NCOR1: variants seen among roughly 807,000 people sequenced by gnomAD.
The protein encoded by NCOR1 is nuclear receptor corepressor 1.
Under a neutral mutation model 288.1 loss-of-function variants are expected in NCOR1, and 63 were observed. The ratio of observed to expected loss-of-function variants is 0.22; its 90% CI spans 0.18 to 0.27. The LOEUF (loss-of-function observed/expected upper bound fraction) is 0.27, where lower values mean the gene tolerates loss of function less well. Ranked by LOEUF, NCOR1 falls within the 10% of genes least tolerant of loss-of-function variation. The pLI, the probability that NCOR1 is intolerant of heterozygous loss-of-function variation, is 1.00. For missense variants in NCOR1, 2,397 were observed against 3,019.2 expected (o/e 0.79, Z 4.83); for synonymous variants, 1,007 against 1,065.9 (o/e 0.94, Z 1.08).
chr17:16,128,750 G>A (rs576512287), intron 14 of NCOR1, among the ~76,000 whole-genome samples: 123 of 152,042 alleles, frequency 8.1e-4, no homozygotes, highest in Admixed American at 1.2e-3. Flanking sequence ...TCTTAATAGC[G>A]CTCCAAAGTC....
intron 8 of NCOR1, chr17:16,151,735 T>A: frequency 4.6e-6 from 5 of 1,094,368 alleles, no homozygotes; most frequent in Non-Finnish European, 6.6e-6. Context: ...ATGCAATAAT[T>A]TATTTCATTT....
chr17:16,057,392 A>C (rs573258852), intron 40 of NCOR1, 122 bp downstream of exon 40: 5 of 949,682 alleles, frequency 5.3e-6, no homozygotes, highest in Non-Finnish European at 8.0e-6. Flanking sequence ...GCTCATTTAC[A>C]CTTTCCTGGG....
intron 1 of NCOR1, among the ~76,000 whole-genome samples, chr17:16,213,680 A>G (rs950083471): frequency 6.6e-6 from 1 of 152,096 alleles, no homozygotes; most frequent in Non-Finnish European, 1.5e-5. Flanking sequence ...TCTGTTTAAA[A>G]CAATTTTATA....
At chr17:16,166,449 C>T (rs1176471306) in intron 4 of NCOR1, among the ~76,000 whole-genome samples, 3 of 152,044 alleles carry the variant, frequency 2.0e-5, no homozygotes, top group Non-Finnish European at 2.9e-5. Flanking sequence ...GGGATGCTGA[C>T]GCAGGCAGAT....
intron 1 of NCOR1, among the ~76,000 whole-genome samples, chr17:16,199,561 T>C (rs2090477747): frequency 6.6e-6 from 1 of 152,158 alleles, no homozygotes; most frequent in South Asian, 2.1e-4. Context: ...TTCACTCTAG[T>C]CCTGGCTCAC....
intron 21 of NCOR1, among the ~76,000 whole-genome samples, chr17:16,094,998 A>G (rs1463515243): frequency 3.4e-5 from 5 of 148,498 alleles, no homozygotes; most frequent in Admixed American, 6.7e-5. Context: ...CCGTCTGGGA[A>G]GTGAGGAGCG....
chr17:16,064,839 A>G (rs2060943492), intron 34 of NCOR1, 31 bp downstream of exon 34: 1 of 1,533,052 alleles, frequency 6.5e-7, no homozygotes, highest in Non-Finnish European at 8.8e-7. Flanking sequence ...TGATGGTTCT[A>G]TTAGAGAGGT....
At chr17:16,097,531 AAATGATGGGGTT>A (rs2066861113) in intron 21 of NCOR1, among the ~76,000 whole-genome samples, 1 of 152,192 alleles carries the variant, frequency 6.6e-6, no homozygotes. Flanking sequence ...TAAAAACCCC[AAATGATGGGGTT>A]TTAAGAGTTT....
chr17:16,161,307 G>C (rs915888402), intron 5 of NCOR1, among the ~76,000 whole-genome samples: 8 of 151,294 alleles, frequency 5.3e-5, no homozygotes, highest in African/African-American at 1.9e-4. Flanking sequence ...TTTTGTTTTT[G>C]AGATGGAGTC....
intron 18 of NCOR1, 71 bp downstream of exon 18, chr17:16,117,817 A>G: frequency 4.7e-6 from 7 of 1,486,188 alleles, no homozygotes; most frequent in Non-Finnish European, 6.4e-6. Context: ...GTGAGACTCC[A>G]TCTCAAACAA....
intron 44 of NCOR1, among the ~76,000 whole-genome samples, chr17:16,036,269 C>T (rs1230888952): frequency 6.6e-6 from 1 of 152,166 alleles, no homozygotes; most frequent in Non-Finnish European, 1.5e-5. Flanking sequence ...TTTTTCTAAG[C>T]AGTAGGTCTG....
intron 9 of NCOR1, among the ~76,000 whole-genome samples, chr17:16,148,216 C>A (rs902275501): frequency 6.6e-6 from 1 of 152,158 alleles, no homozygotes; most frequent in African/African-American, 2.4e-5. Flanking sequence ...TCATTTCTCA[C>A]CACACTGCCA....
intron 12 of NCOR1, 66 bp from the exon 13 acceptor site, chr17:16,138,278 C>A: frequency 7.6e-7 from 1 of 1,319,344 alleles, no homozygotes; most frequent in African/African-American, 1.5e-5. Context: ...AAAAAAAAAA[C>A]TTGGGAAAAG....
In NCOR1 at chr17:16,064,010, A is replaced by G. The variant is rs2060830564; in HGVS notation, c.5221+58T>C. On this transcript the variant is annotated intron_variant, in intron 35 of 45. Transcript: ENST00000268712. Reference sequence around the variant, plus strand: ...ACTTTTTGTGCGCAGCATTAAGCACAGTGTACAAGATTACTAAGATGTGTC... The same window carrying G: ...ACTTTTTGTGCGCAGCATTAAGCACGGTGTACAAGATTACTAAGATGTGTC... 6 of 1,577,354 alleles carry G rather than the reference A, an allele frequency of 3.8e-6. No homozygotes were observed. The East Asian group carries it at 9.1e-5, about 24-fold the overall frequency.
rs1338512050 is a variant in NCOR1 at position 16,118,324 on chromosome 17, G to A, written c.1916-297C>T. 2.0e-5 allele frequency among the ~76,000 whole-genome samples: 3 copies of A among 152,212 alleles called. No individual in the cohort carries two copies. The East Asian group carries it at 5.8e-4, about 29-fold the overall frequency. On this transcript the variant is annotated intron_variant, in intron 17 of 45. Transcript: ENST00000268712. ...GACAACATTAGACACATTAGTAATA[G>A]CTCAAATACTTGCAAACTAAATGAT...
At chr17:16,182,391 A>G (rs930386047) in intron 3 of NCOR1, among the ~76,000 whole-genome samples, 11 of 152,222 alleles carry the variant, frequency 7.2e-5, no homozygotes, top group African/African-American at 1.9e-4. Context: ...AATCCAGAGT[A>G]AAACTTTTAA....
intron 1 of NCOR1, among the ~76,000 whole-genome samples, chr17:16,214,763 G>A (rs1188084394): frequency 6.6e-6 from 1 of 152,122 alleles, no homozygotes; most frequent in Admixed American, 6.5e-5. Flanking sequence ...CCCAAAAAGG[G>A]GTGCACTTAC....
chr17:16,058,093 C>T, intron 38 of NCOR1, 29 bp from the exon 39 acceptor site: 3 of 1,608,178 alleles, frequency 1.9e-6, no homozygotes, highest in Non-Finnish European at 2.6e-6. Flanking sequence ...ATGTCTTACT[C>T]CAGGAATGTC....
In NCOR1 at chr17:16,208,537, AT is replaced by A. The variant is rs558566075; in HGVS notation, c.-71+6824del. Among the ~76,000 whole-genome samples the A allele has an allele frequency of 6.0e-3, 897 of 150,392 alleles. 8 individuals are homozygous for A. The highest frequency in any genetic ancestry group is 0.02 in the African/African-American group (804 of 40,988). On this transcript the variant is annotated intron_variant, in intron 1 of 45. Coordinates refer to ENST00000268712, the MANE Select transcript of NCOR1 (RefSeq NM_006311.4). The stretch of plus-strand genomic sequence containing the variant: ...TCTCCCCAAAATTCCAATAAACAGA[AT>A]TTTTTTTTTCTTTTTTAAAGAAATG...
Sources: allele counts gnomAD v4.1 joint callset (sites outside exome capture counted in the v4.1 genomes callset), GRCh38; gene constraint gnomAD v4.1.1; transcripts MANE v1.5; gene names NCBI Gene and HGNC (gene_info 2026-07-23, HGNC 2026-07-21).